ATG7: variants seen among roughly 807,000 people sequenced by gnomAD.
ATG7 encodes autophagy related 7.
A neutral mutation model predicts 82.4 loss-of-function variants in ATG7; 70 were observed. The observed-to-expected ratio is 0.85, with a 90% CI of 0.70 to 1.04. The LOEUF (loss-of-function observed/expected upper bound fraction) is 1.04, where lower values mean the gene tolerates loss of function less well. ATG7 is among the 50% of genes least tolerant of loss of function. The pLI is 0.00. For synonymous variants in ATG7, 287 were observed against 313.0 expected (o/e 0.92, Z 0.88); for missense variants, 792 against 864.3 (o/e 0.92, Z 1.05).
chr3:11,514,952 T>C (rs981897471), intron 20 of ATG7, among the ~76,000 whole-genome samples: 1 of 151,062 alleles, frequency 6.6e-6, no homozygotes, highest in Admixed American at 6.6e-5. Context: ...GTGATTCTCC[T>C]GCCTCAGCTT....
chr3:11,472,329 C>A (rs909249109), intron 20 of ATG7, among the ~76,000 whole-genome samples: 3 of 152,142 alleles, frequency 2.0e-5, no homozygotes, highest in African/African-American at 7.2e-5. Flanking sequence ...TCCAGGCTTA[C>A]GTCCCCAAGC....
At chr3:11,405,615 A>T (rs1250853591) in intron 19 of ATG7, among the ~76,000 whole-genome samples, 1 of 151,866 alleles carries the variant, frequency 6.6e-6, no homozygotes, top group Non-Finnish European at 1.5e-5. Context: ...AGTATGTAGC[A>T]TTTCTTTTTT....
chr3:11,386,032 C>T (rs1308270977), intron 19 of ATG7, among the ~76,000 whole-genome samples: 1 of 152,128 alleles, frequency 6.6e-6, no homozygotes, highest in African/African-American at 2.4e-5. Context: ...TAGGGAGTTT[C>T]CTAGCCTAAG....
chr3:11,344,336 G>A (rs1954145614), intron 13 of ATG7, among the ~76,000 whole-genome samples: 1 of 152,156 alleles, frequency 6.6e-6, no homozygotes, highest in Non-Finnish European at 1.5e-5. Flanking sequence ...TTTAATGAGA[G>A]TGCCTCTTGT....
At chr3:11,281,736 T>C (rs1450186412) in intron 2 of ATG7, among the ~76,000 whole-genome samples, 2 of 147,572 alleles carry the variant, frequency 1.4e-5, no homozygotes, top group African/African-American at 5.1e-5. Context: ...ATCGTGCCAT[T>C]GCACTCTAAC....
At chr3:11,528,731 C>T (rs565163790) in intron 20 of ATG7, among the ~76,000 whole-genome samples, 250 of 146,662 alleles carry the variant, frequency 1.7e-3, no homozygotes, top group Middle Eastern at 0.011. Flanking sequence ...GAGGCTGAGG[C>T]AGGAGAATCA....
At chr3:11,482,050 G>A (rs1035094534) in intron 20 of ATG7, among the ~76,000 whole-genome samples, 5 of 152,208 alleles carry the variant, frequency 3.3e-5, no homozygotes, top group Admixed American at 1.3e-4. Flanking sequence ...AATTCTCCAC[G>A]TGTGGGAGCT....
chr3:11,409,376 A>G (rs541221688), intron 19 of ATG7, among the ~76,000 whole-genome samples: 1 of 152,254 alleles, frequency 6.6e-6, no homozygotes, highest in Non-Finnish European at 1.5e-5. Flanking sequence ...TCGTGAGGGT[A>G]AACAACTATT....
intron 20 of ATG7, among the ~76,000 whole-genome samples, chr3:11,534,373 C>T (rs976813140): frequency 9.9e-5 from 15 of 152,244 alleles, no homozygotes; most frequent in Admixed American, 2.6e-4. Context: ...GCATGATGGG[C>T]GTCGCCTCAG....
intron 9 of ATG7, among the ~76,000 whole-genome samples, chr3:11,329,794 C>A (rs1022739476): frequency 7.2e-5 from 11 of 152,088 alleles, no homozygotes; most frequent in Non-Finnish European, 1.5e-4. Flanking sequence ...ACTAAGAAGC[C>A]AGAATTCTTA....
chr3:11,476,037 A>G (rs897769478), intron 20 of ATG7, among the ~76,000 whole-genome samples: 7 of 152,146 alleles, frequency 4.6e-5, no homozygotes, highest in African/African-American at 1.2e-4. Context: ...GGGTCTTTTC[A>G]TAGCCGCAAG....
chr3:11,418,848 G>A (rs981712048), intron 19 of ATG7, among the ~76,000 whole-genome samples: 1 of 152,164 alleles, frequency 6.6e-6, no homozygotes, highest in Non-Finnish European at 1.5e-5. Context: ...GGTGGAAGGG[G>A]AAGCAAGGCA....
At chr3:11,423,256 T>A (rs1389433214) in intron 19 of ATG7, among the ~76,000 whole-genome samples, 1 of 152,206 alleles carries the variant, frequency 6.6e-6, no homozygotes, top group Non-Finnish European at 1.5e-5. Flanking sequence ...AAGGTCGCCA[T>A]CTTATATAGG....
intron 14 of ATG7, chr3:11,348,374 G>A (rs1954904895): frequency 4.9e-6 from 1 of 203,092 alleles, no homozygotes; most frequent in Non-Finnish European, 1.0e-5. Flanking sequence ...CTTCAGATGT[G>A]TCTGGAGTTT....
intron 20 of ATG7, among the ~76,000 whole-genome samples, chr3:11,544,466 C>A (rs143571596): frequency 6.6e-6 from 1 of 152,242 alleles, no homozygotes; most frequent in Admixed American, 6.5e-5. Flanking sequence ...AAGTACCCAC[C>A]GCTGTGTGTC....
intron 20 of ATG7, among the ~76,000 whole-genome samples, chr3:11,472,760 T>A (rs2087692212): frequency 6.6e-6 from 1 of 152,206 alleles, no homozygotes; most frequent in African/African-American, 2.4e-5. Context: ...CTGCTGTCTT[T>A]GACTTTTTTA....
At chr3:11,342,409 TTTC>T in intron 13 of ATG7, 130 bp downstream of exon 13, 3 of 1,212,310 alleles carry the variant, frequency 2.5e-6, no homozygotes, top group Middle Eastern at 2.8e-4. Context: ...CCTTTTTCCT[TTTC>T]TTATCTTTTT....
chr3:11,467,712 G>T (rs2086982504), intron 20 of ATG7, among the ~76,000 whole-genome samples: 1 of 151,980 alleles, frequency 6.6e-6, no homozygotes, highest in Non-Finnish European at 1.5e-5. Context: ...TCCTATGTGG[G>T]ACTTATCACC....
intron 20 of ATG7, among the ~76,000 whole-genome samples, chr3:11,496,894 C>T (rs926496017): frequency 1.9e-4 from 29 of 152,056 alleles, no homozygotes; most frequent in Non-Finnish European, 3.7e-4. Flanking sequence ...GAGTCTCGCT[C>T]TGTCACCCAG....
Sources: allele counts gnomAD v4.1 joint callset (sites outside exome capture counted in the v4.1 genomes callset), GRCh38; gene constraint gnomAD v4.1.1; transcripts MANE v1.5; gene names NCBI Gene and HGNC (gene_info 2026-07-23, HGNC 2026-07-21).